The following GALNT18 variants were observed in gnomAD, a reference collection of about 807,000 sequenced individuals.
GALNT18 encodes the protein GalNAc-transferase 18.
In GALNT18, 44 loss-of-function variants were observed where a neutral mutation model predicts 69.5. The ratio of observed to expected loss-of-function variants is 0.63; its 90% CI spans 0.50 to 0.81. The LOEUF (loss-of-function observed/expected upper bound fraction) is 0.81. Ranked by LOEUF, GALNT18 falls within the 40% of genes least tolerant of loss-of-function variation. GALNT18 has a pLI of 0.00. For synonymous variants in GALNT18, 364 were observed against 318.2 expected (o/e 1.14, Z -1.53); for missense variants, 715 against 810.0 (o/e 0.88, Z 1.42).
chr11:11,458,529 C>T (rs974095745), intron 1 of GALNT18, among the ~76,000 whole-genome samples: 5 of 152,216 alleles, frequency 3.3e-5, no homozygotes, highest in African/African-American at 1.2e-4. Flanking sequence ...AACTCCTGCC[C>T]GCTGACTTCC....
intron 1 of GALNT18, among the ~76,000 whole-genome samples, chr11:11,476,700 T>C (rs1399214583): frequency 6.6e-6 from 1 of 152,118 alleles, no homozygotes; most frequent in African/African-American, 2.4e-5. Flanking sequence ...GGCATTTAGA[T>C]ATTTGAGATG....
At chr11:11,350,797 T>C (rs1447618139) in intron 6 of GALNT18, among the ~76,000 whole-genome samples, 2 of 152,182 alleles carry the variant, frequency 1.3e-5, no homozygotes, top group East Asian at 3.9e-4. Context: ...AGTTCAAAGA[T>C]GCTGAACCCA....
At chr11:11,330,602 T>A (rs1850001049) in intron 8 of GALNT18, among the ~76,000 whole-genome samples, 1 of 152,178 alleles carries the variant, frequency 6.6e-6, no homozygotes, top group South Asian at 2.1e-4. Flanking sequence ...AGCTCAGCCC[T>A]TTGGGATGGC....
chr11:11,572,340 A>G (rs897013281), intron 1 of GALNT18, among the ~76,000 whole-genome samples: 4 of 152,348 alleles, frequency 2.6e-5, no homozygotes, highest in African/African-American at 9.6e-5. Context: ...TAAAATAATA[A>G]CAAGAATTAA....
At chr11:11,512,355 A>G (rs1057006392) in intron 1 of GALNT18, among the ~76,000 whole-genome samples, 2 of 152,214 alleles carry the variant, frequency 1.3e-5, no homozygotes, top group Admixed American at 1.3e-4. Context: ...ATCCGCCAGG[A>G]GGACAGACTG....
In GALNT18 at chr11:11,284,910, T is replaced by TTTTTTTTTTG. The variant is rs1849162423; in HGVS notation, c.1677+8118_1677+8119insCAAAAAAAAA. ...GATTTACTAGTAAAGACTTTCGTGT[T>TTTTTTTTTTG]TTTTTTTTTTTTTTTTTTTTAACTA... On this transcript the variant is annotated intron_variant, in intron 10 of 10. Coordinates refer to ENST00000227756, the MANE Select transcript of GALNT18 (RefSeq NM_198516.3). Among the ~76,000 whole-genome samples, 3 of 74,704 alleles carry TTTTTTTTTTG rather than the reference T, an allele frequency of 4.0e-5. No individual in the cohort carries two copies. In the South Asian group the frequency reaches 1.8e-3, roughly 46 times the overall value. 49.0% of individuals were successfully genotyped at this position (74,704 alleles called of 152,430 possible). A position where few individuals can be genotyped will look rare whatever the true frequency, so the allele number is the denominator to read the frequency against.
In GALNT18 at chr11:11,293,253, A is replaced by G. The variant is rs149641477; in HGVS notation, c.1513-60T>C. The G allele has an allele frequency of 5.2e-4, 661 of 1,278,826 alleles. 4 individuals carry two copies. In the African/African-American group the frequency reaches 8.6e-3, roughly 17 times the overall value. 79.2% of individuals were successfully genotyped at this position (1,278,826 alleles called of 1,614,324 possible). A position where few individuals can be genotyped will look rare whatever the true frequency, so the allele number is the denominator to read the frequency against. ...TGCCAATGGCCACGGAGACAGGAGC[A>G]TAGGTGGTGATTCTTCCAGGCAGCT... On this transcript the variant is annotated intron_variant, in intron 9 of 10. Coordinates refer to ENST00000227756, the MANE Select transcript of GALNT18 (RefSeq NM_198516.3).
chr11:11,579,887 A>T (rs1235320588), intron 1 of GALNT18, among the ~76,000 whole-genome samples: 1 of 152,052 alleles, frequency 6.6e-6, no homozygotes, highest in African/African-American at 2.4e-5. Context: ...TCTGTAGTCA[A>T]CCTCTGAGTT....
intron 1 of GALNT18, among the ~76,000 whole-genome samples, chr11:11,490,699 C>T (rs1478035942): frequency 6.6e-6 from 1 of 152,130 alleles, no homozygotes; most frequent in Non-Finnish European, 1.5e-5. Context: ...CTGACTTGTG[C>T]GTCAGAGACA....
At chr11:11,357,580 T>C (rs1039534688) in intron 6 of GALNT18, among the ~76,000 whole-genome samples, 1 of 152,348 alleles carries the variant, frequency 6.6e-6, no homozygotes, top group East Asian at 1.9e-4. Context: ...CTCCACTTGC[T>C]TTCTCAGAGC....
Position 11,339,562 on chromosome 11 carries a change from C to A in GALNT18, c.1278+1257G>T, listed in dbSNP as rs754185273. 1.3e-5 allele frequency among the ~76,000 whole-genome samples: 2 copies of A among 152,162 alleles called. No homozygotes were observed. The highest frequency in any genetic ancestry group is 4.8e-5 in the African/African-American group (2 of 41,434). On this transcript the variant is annotated intron_variant, in intron 7 of 10. Transcript: ENST00000227756. This position sits in a 1 kb window ranked among gnomAD's most constrained non-coding sequence, Gnocchi z 5.2. ...ACACCTACCACAGGGCTTGGCACCC[C>A]GTGCAGAATACCGTGATTCAATCCT...
At chr11:11,293,537 T>TTTTTTC (rs1849344445) in intron 9 of GALNT18, among the ~76,000 whole-genome samples, 12 of 95,412 alleles carry the variant, frequency 1.3e-4, no homozygotes, top group African/African-American at 4.6e-4. Flanking sequence ...ACCCCTCTTT[T>TTTTTTC]TTTTTTTTTT....
At chr11:11,331,632 C>T (rs1850018030) in intron 8 of GALNT18, among the ~76,000 whole-genome samples, 2 of 152,208 alleles carry the variant, frequency 1.3e-5, no homozygotes, top group South Asian at 4.1e-4. Context: ...AGGGGACACT[C>T]TCCAAAGGGA....
At chr11:11,506,450 T>C (rs11021880) in intron 1 of GALNT18, among the ~76,000 whole-genome samples, 63,224 of 151,884 alleles carry the variant, frequency 0.42, 13,534 homozygotes, top group East Asian at 0.6. Context: ...CCCAAATAGC[T>C]ATGAGGGGGA....
intron 9 of GALNT18, among the ~76,000 whole-genome samples, chr11:11,317,385 A>T (rs1280726935): frequency 6.6e-6 from 1 of 152,258 alleles, no homozygotes; most frequent in Non-Finnish European, 1.5e-5. Context: ...TCCCGTTATA[A>T]GTTGCTCTAC....
Position 11,586,833 on chromosome 11 carries a change from CA to C in GALNT18, c.235+34525del. 6.6e-6 allele frequency among the ~76,000 whole-genome samples: 1 copy of C among 150,874 alleles called. No homozygotes were observed. Among genetic ancestry groups the C allele is most frequent in the East Asian group, 2.0e-4 (1 of 5,118 alleles). On this transcript the variant is annotated intron_variant, in intron 1 of 10. Coordinates refer to ENST00000227756, the MANE Select transcript of GALNT18 (RefSeq NM_198516.3). The surrounding 1 kb of genome is among the most constrained non-coding windows in gnomAD (Gnocchi z 4.1). ...TACTAAAAACACACACACACACACA[CA>C]AAAAAAAGCCAGGTGTGGTGGCGGG...
chr11:11,574,313 T>G (rs1858867393), intron 1 of GALNT18, among the ~76,000 whole-genome samples: 1 of 152,148 alleles, frequency 6.6e-6, no homozygotes, highest in Non-Finnish European at 1.5e-5. Flanking sequence ...CCAGCCCTGC[T>G]CAGACCAGAA....
At chr11:11,295,335 G>C (rs1165399091) in intron 9 of GALNT18, among the ~76,000 whole-genome samples, 1 of 152,202 alleles carries the variant, frequency 6.6e-6, no homozygotes, top group Non-Finnish European at 1.5e-5. Flanking sequence ...GGTGTGGGTA[G>C]GGTGTCAGGG....
At chr11:11,275,867 G>C (rs1405315724) in intron 10 of GALNT18, among the ~76,000 whole-genome samples, 7 of 152,186 alleles carry the variant, frequency 4.6e-5, no homozygotes, top group East Asian at 1.9e-4. Context: ...ATTTCTGAGG[G>C]CTCTGTTCTG....
Sources: allele counts gnomAD v4.1 joint callset (sites outside exome capture counted in the v4.1 genomes callset), GRCh38; gene constraint gnomAD v4.1.1; non-coding constraint Gnocchi (gnomAD v3.1); transcripts MANE v1.5; gene names NCBI Gene and HGNC (gene_info 2026-07-23, HGNC 2026-07-21).